Variants in TTC19 observed in about 807,000 individuals in gnomAD.
TTC19 encodes the protein tetratricopeptide repeat protein 19, mitochondrial.
TTC19 carries 38 observed loss-of-function variants against 49.5 expected under a neutral mutation model. That is an observed-to-expected ratio of 0.77 (90% CI 0.59 to 1.01). The LOEUF is 1.01. TTC19 is among the 50% of genes least tolerant of loss of function. The probability of loss-of-function intolerance (pLI) is 0.00; values close to 1 mark genes in which losing one functional copy is unlikely to be tolerated. For missense variants in TTC19, 475 were observed against 477.7 expected, an observed-to-expected ratio of 0.99 and a Z score of 0.05; for synonymous variants, 204 against 185.2, an observed-to-expected ratio of 1.10 and a Z score of -0.83.
At chr17:16,004,127 C>G in intron 5 of TTC19, 74 bp from the exon 6 acceptor site, 1 of 1,430,708 alleles carries the variant, frequency 7.0e-7, no homozygotes, top group Non-Finnish European at 9.9e-7. Context: ...CACCGTCAGT[C>G]TGGAAGTTGA....
intron 7 of TTC19, among the ~76,000 whole-genome samples, chr17:16,013,532 A>G (rs1343996203): frequency 2.6e-5 from 4 of 152,236 alleles, no homozygotes; most frequent in African/African-American, 7.2e-5. Context: ...ACTTTTTAGT[A>G]TATCTGGTAT....
chr17:16,039,319 ACT>A (rs757221991), intron 2 of TTC19: 1 of 1,000,266 alleles, frequency 1.0e-6, no homozygotes, highest in Admixed American at 2.3e-5. Context: ...CTAAGAGGTG[ACT>A]CTGAGCACAT....
rs756343582 is a variant in TTC19, at chr17:16,002,035, A to G, written c.423+10A>G. On this transcript the variant is annotated intron_variant, in intron 3 of 9. Coordinates refer to ENST00000261647, the MANE Select transcript of TTC19 (RefSeq NM_017775.4). ...TTACACTTATGATTTGGTAACTCTTATAACCAGTCTGAACCACTGATGAGG... is the reference window on the plus strand; with the variant it reads ...TTACACTTATGATTTGGTAACTCTTGTAACCAGTCTGAACCACTGATGAGG... 8.2e-6 allele frequency: 13 copies of G among 1,587,852 alleles called. No individual in the cohort carries two copies. The highest frequency in any genetic ancestry group is 1.1e-5 in the Non-Finnish European group (13 of 1,159,220).
chr17:16,014,043 C>G (rs759549451), intron 7 of TTC19, among the ~76,000 whole-genome samples: 2 of 152,188 alleles, frequency 1.3e-5, no homozygotes, highest in Non-Finnish European at 2.9e-5. Flanking sequence ...TCCTTCCTCA[C>G]TCATGTATTG....
In TTC19 at chr17:16,026,620, G is replaced by C; in HGVS notation, c.912G>C (p.Arg304Ser). 1 of 1,614,068 alleles carries C rather than the reference G, an allele frequency of 6.2e-7. No homozygotes were observed. Among genetic ancestry groups the C allele is most frequent in the Non-Finnish European group, 8.5e-7 (1 of 1,179,976 alleles). ...ATGAGGCCTATATTTATATGCAAAG[G>C]GCATCAGATCTGGCAAGACAGATAA... ...RFDEAYIYMQ[R>S]ASDLARQINH... Residue 304 changes from arginine to serine, a missense_variant, in exon 9 of 10, where the codon AGG becomes AGC. Transcript: ENST00000261647.
At chr17:16,004,372 C>T in intron 6 of TTC19, 110 bp downstream of exon 6, 1 of 1,048,086 alleles carries the variant, frequency 9.5e-7, no homozygotes. Context: ...AATTGGGTGT[C>T]ACACTCAAAG....
At chr17:16,023,748 A>G (rs1043681912) in intron 7 of TTC19, 2 of 149,386 alleles carry the variant, frequency 1.3e-5, no homozygotes, top group African/African-American at 4.8e-5. Flanking sequence ...AGCCTCAAAG[A>G]GTATATTTAT....
At position 15,999,860 on chromosome 17, in the gene TTC19, C is replaced by T. The variant is rs1234957138; in HGVS notation, c.12C>T (p.Leu4=). MFR[L]LSWSLGRGFL... is the part of the protein sequence containing the mutation. ...GACGCGGCGGGAGCATGTTCCGGCT[C>T]CTGAGCTGGAGCCTGGGCCGAGGCT... is the stretch of plus-strand genomic sequence containing the variant. The change falls in exon 1 of 10, where the codon CTC becomes CTT. Residue 4 remains leucine, a synonymous_variant. Coordinates refer to ENST00000261647, the MANE Select transcript of TTC19 (RefSeq NM_017775.4). The T allele has an allele frequency of 2.5e-5, 37 of 1,508,954 alleles. No individual in the cohort carries two copies. The highest frequency in any genetic ancestry group is 2.2e-4 in the Middle Eastern group (1 of 4,520). 93.5% of individuals were successfully genotyped at this position (1,508,954 alleles called of 1,614,324 possible).
At chr17:16,029,570 G>T (rs1971766576), downstream of TTC19, 1 of 196,988 alleles carries the variant, frequency 5.1e-6, no homozygotes, top group Non-Finnish European at 1.1e-5. Flanking sequence ...TTAGTTCTGG[G>T]TGCTAAAAAA....
At chr17:16,017,318 G>A (rs1003329954) in intron 7 of TTC19, among the ~76,000 whole-genome samples, 1 of 151,808 alleles carries the variant, frequency 6.6e-6, no homozygotes, top group Non-Finnish European at 1.5e-5. Context: ...GCATGGTGAC[G>A]GGTGCCTATA....
chr17:16,015,923 ATTTATAGTTTCTCCTTGGTTT>A (rs1971200402), intron 7 of TTC19, among the ~76,000 whole-genome samples: 1 of 152,076 alleles, frequency 6.6e-6, no homozygotes, highest in African/African-American at 2.4e-5. Flanking sequence ...TGGCCATTTT[ATTTATAGTTTCTCCTTGGTTT>A]TTGTTAATTT....
In TTC19 at chr17:16,025,040, C is replaced by T. The variant is rs1391391682; in HGVS notation, c.700C>T (p.Leu234Phe). ...AGTGGAAGAGAAAGCCAATACCCAC[C>T]TCCTCTTGGGCATGTGCTTAGACGC... is the stretch of plus-strand genomic sequence containing the variant. ...MSVEEKANTH[L>F]LLGMCLDACA... Residue 234 changes from leucine to phenylalanine, a missense_variant, in exon 8 of 10, where the codon CTC becomes TTC. Coordinates refer to ENST00000261647, the MANE Select transcript of TTC19 (RefSeq NM_017775.4). 6.2e-7 allele frequency: 1 copy of T among 1,613,820 alleles called. No homozygotes were observed. The highest frequency in any genetic ancestry group is 1.3e-5 in the African/African-American group (1 of 74,904).
intron 2 of TTC19, among the ~76,000 whole-genome samples, chr17:16,038,200 G>T (rs140387064): frequency 3.0e-4 from 45 of 152,104 alleles, no homozygotes; most frequent in Middle Eastern, 3.4e-3. Flanking sequence ...AGGTAATTTT[G>T]AAAAGCACAA....
chr17:16,016,552 A>ATTTT (rs769994419), intron 7 of TTC19, among the ~76,000 whole-genome samples: 6 of 94,050 alleles, frequency 6.4e-5, no homozygotes, highest in African/African-American at 1.9e-4. Context: ...AGTTGTTCTA[A>ATTTT]TTTTTTTTTT....
chr17:16,044,518 T>C (rs751758568), exon 3 of TTC19: 1 of 486,156 alleles, frequency 2.1e-6, no homozygotes, highest in Non-Finnish European at 4.2e-6. Flanking sequence ...ACCACAGTGC[T>C]TGGTCCTTCC....
Position 16,041,044 on chromosome 17 carries a change from G to A in TTC19, c.248-3459G>A, listed in dbSNP as rs544113713. 56 of 153,518 alleles carry A rather than the reference G, an allele frequency of 3.6e-4. 1 individual carries two copies. Among genetic ancestry groups the A allele is most frequent in the East Asian group, 1.3e-3 (7 of 5,214 alleles). The allele number at this position is 153,518 out of a possible 1,614,324, so 9.5% of individuals were successfully genotyped here. On this transcript the variant is annotated intron_variant, in intron 2 of 2. Coordinates refer to the TTC19 transcript ENST00000470649. ...GGATGACCGCCACAAATACCAACAG[G>A]TTTGAGGCAGCCTGGGATGTGATCC...
At chr17:16,037,365 A>G (rs762311382) in intron 2 of TTC19, among the ~76,000 whole-genome samples, 38 of 152,208 alleles carry the variant, frequency 2.5e-4, no homozygotes, top group Non-Finnish European at 4.8e-4. Flanking sequence ...TTAGAAAAAT[A>G]ATGCTGATAG....
chr17:16,026,779 T>C (rs934972750), intron 9 of TTC19, 77 bp downstream of exon 9: 10 of 1,500,720 alleles, frequency 6.7e-6, no homozygotes, highest in Middle Eastern at 3.6e-4. Flanking sequence ...TGAAGTGGTA[T>C]GTAGGGAGGG....
At chr17:16,018,330 A>G (rs1020043959) in intron 7 of TTC19, among the ~76,000 whole-genome samples, 3 of 152,106 alleles carry the variant, frequency 2.0e-5, no homozygotes, top group Non-Finnish European at 4.4e-5. Context: ...TCTGTCCCAC[A>G]TGCTCTGGCC....
Sources: allele counts gnomAD v4.1 joint callset (sites outside exome capture counted in the v4.1 genomes callset), GRCh38; gene constraint gnomAD v4.1.1; transcripts MANE v1.5; gene names NCBI Gene and HGNC (gene_info 2026-07-23, HGNC 2026-07-21).